SAP130: variants seen among roughly 807,000 people sequenced by gnomAD.
SAP130 encodes histone deacetylase complex subunit SAP130.
A neutral mutation model predicts 103.2 loss-of-function variants in SAP130; 16 were observed. That is an observed-to-expected ratio of 0.16 (90% CI 0.10 to 0.24). The LOEUF (loss-of-function observed/expected upper bound fraction) is 0.24. SAP130 is among the 10% of genes least tolerant of loss of function. SAP130 has a pLI of 1.00. For synonymous variants in SAP130, 477 were observed against 497.0 expected, an observed-to-expected ratio of 0.96 and a Z score of 0.53; for missense variants, 990 against 1,359.7, an observed-to-expected ratio of 0.73 and a Z score of 4.28.
chr2:127,949,486 T>C (rs1451728337), intron 18 of SAP130, among the ~76,000 whole-genome samples: 1 of 152,226 alleles, frequency 6.6e-6, no homozygotes, highest in Non-Finnish European at 1.5e-5. Flanking sequence ...TGCGTATTTT[T>C]AGCATCTTAG....
At chr2:127,966,259 C>T (rs1027502541) in intron 15 of SAP130, among the ~76,000 whole-genome samples, 1 of 151,976 alleles carries the variant, frequency 6.6e-6, no homozygotes, top group Non-Finnish European at 1.5e-5. Context: ...AGGAGATTCT[C>T]ACTTGAACCT....
rs528733754 is a variant in SAP130, at chr2:127,996,545, C to T, written c.1214-54G>A. The T allele has an allele frequency of 1.6e-5, 22 of 1,389,562 alleles. No homozygotes were observed. The highest frequency in any genetic ancestry group is 2.1e-5 in the Non-Finnish European group (22 of 1,054,928). 86.1% of individuals were successfully genotyped at this position (1,389,562 alleles called of 1,614,324 possible). The stretch of plus-strand genomic sequence containing the variant: ...CCATTCTACACTTTTTTTTGGCATG[C>T]CAAAACATTCTTGGCTAGCAGCAAT... On this transcript the variant is annotated intron_variant, in intron 10 of 20. Transcript: ENST00000643581. This position sits in a 1 kb window ranked among gnomAD's most constrained non-coding sequence, Gnocchi z 4.3.
intron 18 of SAP130, among the ~76,000 whole-genome samples, chr2:127,948,875 G>A (rs1027668182): frequency 6.6e-6 from 1 of 152,126 alleles, no homozygotes. Flanking sequence ...CTCTTGTAGT[G>A]TGGCTTGAAA....
Position 127,946,399 on chromosome 2 carries a change from C to T in SAP130, c.2798-840G>A, listed in dbSNP as rs368822998. Among the ~76,000 whole-genome samples the T allele has an allele frequency of 2.6e-5, 4 of 152,234 alleles. No homozygotes were observed. The East Asian group carries it at 5.8e-4, about 22-fold the overall frequency. ...CAAGGGCAGAACAACTTTATCAAATCAAGGAAGAACCCTTCTTTTTCTGTT... is the reference window on the plus strand; with the variant it reads ...CAAGGGCAGAACAACTTTATCAAATTAAGGAAGAACCCTTCTTTTTCTGTT... On this transcript the variant is annotated intron_variant, in intron 18 of 20. Coordinates refer to ENST00000643581, the MANE Select transcript of SAP130 (RefSeq NM_001330301.2).
chr2:128,012,328 G>C (rs779219760), intron 6 of SAP130, among the ~76,000 whole-genome samples: 51 of 152,022 alleles, frequency 3.4e-4, no homozygotes, highest in Non-Finnish European at 6.2e-4. Flanking sequence ...AAATTAGCCG[G>C]GCATGGTGGT....
intron 15 of SAP130, 80 bp downstream of exon 15, chr2:127,977,905 C>A: frequency 9.5e-7 from 1 of 1,056,210 alleles, no homozygotes; most frequent in Non-Finnish European, 1.4e-6. Context: ...AAGACTATGT[C>A]ATGCAGGAAT....
chr2:127,995,975 G>A (rs1459352093), intron 11 of SAP130, among the ~76,000 whole-genome samples: 3 of 152,144 alleles, frequency 2.0e-5, no homozygotes, highest in Non-Finnish European at 4.4e-5. Context: ...TGAAAGAGAA[G>A]GGAGAGCTCG....
intron 15 of SAP130, among the ~76,000 whole-genome samples, chr2:127,957,911 A>G (rs937729084): frequency 6.6e-6 from 1 of 152,136 alleles, no homozygotes; most frequent in East Asian, 1.9e-4. Context: ...CAAAAAAAGG[A>G]GGAGATGGAA....
intron 15 of SAP130, among the ~76,000 whole-genome samples, chr2:127,974,415 C>G (rs930526717): frequency 6.6e-6 from 1 of 152,158 alleles, no homozygotes; most frequent in Non-Finnish European, 1.5e-5. Flanking sequence ...ACAGGGAGTC[C>G]TCACTGAGCA....
rs966394575 is a variant in SAP130, at chr2:128,028,006, G to A, written c.-73C>T. The stretch of plus-strand genomic sequence containing the variant: ...GCTCCCGCGCGCTCTCCGTCTGTGG[G>A]GCCGACGTCCCCAGGCTCCGGACCC... On this transcript the variant is annotated 5_prime_UTR_variant, in exon 1 of 21. Coordinates refer to ENST00000643581, the MANE Select transcript of SAP130 (RefSeq NM_001330301.2). 2.6e-4 allele frequency: 257 copies of A among 985,300 alleles called. No homozygotes were observed. Among genetic ancestry groups the A allele is most frequent in the Non-Finnish European group, 3.0e-4 (248 of 829,822 alleles). 61.0% of individuals were successfully genotyped at this position (985,300 alleles called of 1,614,324 possible).
chr2:127,944,134 A>G (rs4290600), intron 19 of SAP130, among the ~76,000 whole-genome samples: 12,696 of 151,822 alleles, frequency 0.084, 729 homozygotes, highest in South Asian at 0.22. Context: ...CGGGCTCAAG[A>G]GTTCCTCCCA....
At position 127,996,246 on chromosome 2, in the gene SAP130, A is replaced by T; in HGVS notation, c.1355+104T>A. On this transcript the variant is annotated intron_variant, in intron 11 of 20. Coordinates refer to ENST00000643581, the MANE Select transcript of SAP130 (RefSeq NM_001330301.2). The surrounding 1 kb of genome is among the most constrained non-coding windows in gnomAD (Gnocchi z 4.3). ...TTTCAGGGGAAAATCTGAAAACATG[A>T]GTAATAAATATAGGCCATATTTGTG... The T allele has an allele frequency of 9.2e-7, 1 of 1,082,692 alleles. No homozygotes were observed. Among genetic ancestry groups the T allele is most frequent in the Non-Finnish European group, 1.2e-6 (1 of 809,806 alleles). The allele number at this position is 1,082,692 out of a possible 1,614,324, so 67.1% of individuals were successfully genotyped here.
chr2:127,950,820 C>G (rs1485841740), intron 16 of SAP130, among the ~76,000 whole-genome samples: 1 of 152,156 alleles, frequency 6.6e-6, no homozygotes, highest in African/African-American at 2.4e-5. Context: ...GCTGCAGCAT[C>G]AGCAGCTGTC....
chr2:128,003,987 T>TG (rs1683773988), intron 7 of SAP130, among the ~76,000 whole-genome samples: 1 of 123,164 alleles, frequency 8.1e-6, no homozygotes, highest in Non-Finnish European at 1.6e-5. Flanking sequence ...TTTTTTTTTT[T>TG]TTGTTGACAG....
intron 7 of SAP130, among the ~76,000 whole-genome samples, chr2:128,002,703 G>A (rs1013225802): frequency 2.6e-5 from 4 of 151,886 alleles, no homozygotes; most frequent in Non-Finnish European, 2.9e-5. Flanking sequence ...AAAGAACCAA[G>A]GAGAATTGGC....
chr2:127,941,701 GA>G lies in SAP130; in HGVS notation c.*304del. 1.3e-5 allele frequency: 5 copies of G among 377,632 alleles called. No homozygotes were observed. The highest frequency in any genetic ancestry group is 2.4e-5 in the Non-Finnish European group (5 of 211,300). 23.4% of individuals were successfully genotyped at this position (377,632 alleles called of 1,614,324 possible). A position where few individuals can be genotyped will look rare whatever the true frequency, so the allele number is the denominator to read the frequency against. On this transcript the variant is annotated 3_prime_UTR_variant, in exon 21 of 21. Coordinates refer to ENST00000643581, the MANE Select transcript of SAP130 (RefSeq NM_001330301.2). ...AATACAGTCTATAAACCGGAAGGCTGAAAAACACCAGCCAGCCATCCTTGTC... is the reference window on the plus strand; with the variant it reads ...AATACAGTCTATAAACCGGAAGGCTGAAAACACCAGCCAGCCATCCTTGTC...
intron 15 of SAP130, among the ~76,000 whole-genome samples, chr2:127,967,588 G>A (rs1680750809): frequency 6.6e-6 from 1 of 152,090 alleles, no homozygotes. Context: ...TAGTAGAGAC[G>A]GGTTTCACCA....
intron 7 of SAP130, among the ~76,000 whole-genome samples, chr2:128,005,795 C>T (rs1340342737): frequency 2.0e-5 from 3 of 151,964 alleles, no homozygotes; most frequent in Admixed American, 6.6e-5. Context: ...TACAGGCATC[C>T]GGCCCCATGC....
At chr2:127,987,576 A>G (rs1227511824) in intron 13 of SAP130, among the ~76,000 whole-genome samples, 1 of 151,800 alleles carries the variant, frequency 6.6e-6, no homozygotes, top group African/African-American at 2.4e-5. Context: ...ATAGTCTCTC[A>G]CTCTACTAGT....
Sources: allele counts gnomAD v4.1 joint callset (sites outside exome capture counted in the v4.1 genomes callset), GRCh38; gene constraint gnomAD v4.1.1; non-coding constraint Gnocchi (gnomAD v3.1); transcripts MANE v1.5; gene names NCBI Gene and HGNC (gene_info 2026-07-23, HGNC 2026-07-21).